The following EML2 variants were observed in gnomAD, a reference collection of about 807,000 sequenced individuals.
EML2 encodes echinoderm microtubule-associated protein-like 2.
In EML2, 59 loss-of-function variants were observed where a neutral mutation model predicts 84.7. The observed-to-expected ratio is 0.70, with a 90% CI of 0.56 to 0.86. The LOEUF (loss-of-function observed/expected upper bound fraction) is 0.86, where lower values mean the gene tolerates loss of function less well. Among genes scored for constraint, EML2 ranks in the 40% least tolerant of loss-of-function variants. EML2 has a pLI of 0.00. For synonymous variants in EML2, 352 were observed against 348.9 expected (o/e 1.01, Z -0.10); for missense variants, 818 against 855.6 (o/e 0.96, Z 0.55).
chr19:45,629,434 C>A (rs144512366), intron 7 of EML2, among the ~76,000 whole-genome samples: 1,562 of 152,238 alleles, frequency 0.01, 30 homozygotes, highest in African/African-American at 0.036. Context: ...AAGAGATTCT[C>A]CTGCCTCAGC....
rs373039038 is a variant in EML2, at chr19:45,615,018, T to G, written c.1598-318A>C. 14 of 268,126 alleles carry G rather than the reference T, an allele frequency of 5.2e-5. No individual in the cohort carries two copies. The East Asian group carries it at 6.9e-4, about 13-fold the overall frequency. 16.6% of individuals were successfully genotyped at this position (268,126 alleles called of 1,614,324 possible). On this transcript the variant is annotated intron_variant, in intron 16 of 18. Coordinates refer to ENST00000245925, the MANE Select transcript of EML2 (RefSeq NM_012155.4). ...GAGTTCGAGACCAGCCTGGCCAAGA[T>G]GGTGAAACCCCATCTCTACTAAAAA...
intron 16 of EML2, among the ~76,000 whole-genome samples, chr19:45,615,556 T>TA (rs1568435472): frequency 9.5e-5 from 11 of 115,920 alleles, no homozygotes; most frequent in African/African-American, 2.6e-4. Flanking sequence ...TAATAATAAT[T>TA]AAAAATTTAA....
chr19:45,633,312 G>C (rs528126143), intron 4 of EML2, among the ~76,000 whole-genome samples, 173 bp from the exon 5 acceptor site: 3 of 152,338 alleles, frequency 2.0e-5, no homozygotes, highest in African/African-American at 7.2e-5. Context: ...TGGATCAGAA[G>C]CAAGACTTAG....
chr19:45,622,894 A>C (rs969089757), intron 9 of EML2, among the ~76,000 whole-genome samples: 40 of 151,398 alleles, frequency 2.6e-4, no homozygotes, highest in Non-Finnish European at 4.6e-4. Context: ...AAAAAAATAC[A>C]AAAAATTAGC....
At chr19:45,630,442 A>G (rs1972892540) in intron 6 of EML2, among the ~76,000 whole-genome samples, 2 of 150,254 alleles carry the variant, frequency 1.3e-5, no homozygotes, top group African/African-American at 4.9e-5. Context: ...AATCCCAGCT[A>G]CTCGGGAGGC....
intron 6 of EML2, 70 bp from the exon 7 acceptor site, chr19:45,630,116 C>T (rs1198962460): frequency 8.9e-7 from 1 of 1,127,616 alleles, no homozygotes; most frequent in Non-Finnish European, 1.3e-6. Context: ...CCATGCCCAC[C>T]AAGGCATTCA....
intron 3 of EML2, among the ~76,000 whole-genome samples, chr19:45,635,196 T>C (rs1269139851): frequency 6.6e-6 from 1 of 152,010 alleles, no homozygotes; most frequent in African/African-American, 2.4e-5. Flanking sequence ...TGGAGTGCAG[T>C]GGCATGATCC....
upstream of EML2, chr19:45,644,768 G>A (rs1974904525): frequency 2.2e-6 from 1 of 456,060 alleles, no homozygotes; most frequent in Non-Finnish European, 4.4e-6. Flanking sequence ...AGGGAGAAGG[G>A]ATGGTGCTAA....
At chr19:45,645,112 G>A (rs1319801941), upstream of EML2, among the ~76,000 whole-genome samples, 1 of 152,008 alleles carries the variant, frequency 6.6e-6, no homozygotes, top group African/African-American at 2.4e-5. Flanking sequence ...AGGTTTTGGG[G>A]ACCAGGGACC....
At chr19:45,645,252 G>C, upstream of EML2, 3 of 1,531,696 alleles carry the variant, frequency 2.0e-6, no homozygotes, top group South Asian at 2.4e-5. Context: ...GGCCAAGGTC[G>C]GAACTGAGGA....
intron 4 of EML2, among the ~76,000 whole-genome samples, chr19:45,633,541 C>A (rs1308162319): frequency 6.6e-6 from 1 of 151,770 alleles, no homozygotes; most frequent in Non-Finnish European, 1.5e-5. Flanking sequence ...GAGTTTGACA[C>A]CTGCCTGGCC....
rs768839937 is a variant in EML2 at position 45,619,163 on chromosome 19, G to A, written c.1151C>T (p.Ala384Val). Reference sequence around the variant, plus strand: ...AAACTGGGCCCGACTGGGGTGTGTGGCCAGGCCCCACAGCTCTTCCACATG... The same window carrying A: ...AAACTGGGCCCGACTGGGGTGTGTGACCAGGCCCCACAGCTCTTCCACATG... ...QGHVEELWGL[A>V]THPSRAQFVT... Residue 384 changes from alanine (A) to valine (V), a missense_variant, in exon 12 of 19, where the codon GCC becomes GTC. By Grantham distance (64) the Ala-to-Val change is moderately conservative. Transcript: ENST00000245925. The A allele has an allele frequency of 5.8e-5, 93 of 1,611,602 alleles. 1 individual carries two copies. The South Asian group carries it at 9.9e-4, about 17-fold the overall frequency.
At chr19:45,629,851 G>A in intron 7 of EML2, 100 bp downstream of exon 7, 1 of 937,678 alleles carries the variant, frequency 1.1e-6, no homozygotes, top group Non-Finnish European at 1.7e-6. Context: ...TAAAGCCAGG[G>A]CTTAAACACG....
At chr19:45,637,953 A>C (rs1568487534) in intron 3 of EML2, among the ~76,000 whole-genome samples, 3 of 152,040 alleles carry the variant, frequency 2.0e-5, no homozygotes, top group Non-Finnish European at 4.4e-5. Flanking sequence ...CTCAGATTAC[A>C]GGCATGAGCC....
chr19:45,635,839 A>G (rs1973666553), intron 3 of EML2, among the ~76,000 whole-genome samples: 1 of 151,556 alleles, frequency 6.6e-6, no homozygotes, highest in Non-Finnish European at 1.5e-5. Context: ...TGATCTGCCC[A>G]CCTCGGCCTC....
At chr19:45,632,634 C>G in intron 6 of EML2, 1 of 533,770 alleles carries the variant, frequency 1.9e-6, no homozygotes, top group Non-Finnish European at 3.4e-6. Context: ...GGGCAAGGAC[C>G]AGCTGGGCCC....
chr19:45,632,323 GACGC>G (rs1973152025), intron 6 of EML2, among the ~76,000 whole-genome samples: 1 of 151,798 alleles, frequency 6.6e-6, no homozygotes, highest in South Asian at 2.1e-4. Context: ...GAGTAGCTGG[GACGC>G]CACCACCTCA....
chr19:45,643,727 T>C, upstream of EML2: 1 of 1,528,884 alleles, frequency 6.5e-7, no homozygotes, highest in East Asian at 2.5e-5. Flanking sequence ...GGCTCCGCAG[T>C]GCAGCCGCCG....
chr19:45,636,620 G>T (rs1039208360), intron 3 of EML2, among the ~76,000 whole-genome samples: 1 of 152,094 alleles, frequency 6.6e-6, no homozygotes, highest in Admixed American at 6.6e-5. Flanking sequence ...GTCAGCACTG[G>T]GTCCCCAGCC....
Sources: allele counts gnomAD v4.1 joint callset (sites outside exome capture counted in the v4.1 genomes callset), GRCh38; gene constraint gnomAD v4.1.1; transcripts MANE v1.5; gene names NCBI Gene and HGNC (gene_info 2026-07-23, HGNC 2026-07-21).